The following WWOX variants were observed in gnomAD, a reference collection of about 807,000 sequenced individuals.
WWOX encodes WW domain-containing oxidoreductase.
Under a neutral mutation model 46.2 loss-of-function variants are expected in WWOX, and 69 were observed. The ratio of observed to expected loss-of-function variants is 1.49; its 90% CI spans 1.23 to 1.82. WWOX has a LOEUF of 1.82. WWOX is among the 40% of genes most tolerant of loss of function. The pLI is 0.00. For synonymous variants in WWOX, 359 were observed against 202.6 expected (o/e 1.77, Z -6.56); for missense variants, 919 against 542.6 (o/e 1.69, Z -6.89).
At chr16:78,550,196 G>C (rs573771998) in intron 8 of WWOX, among the ~76,000 whole-genome samples, 7 of 152,238 alleles carry the variant, frequency 4.6e-5, no homozygotes, top group African/African-American at 1.4e-4. Flanking sequence ...GTTCTCACTG[G>C]ATCATTCCAT....
rs111604766 is a variant in WWOX, at chr16:78,332,458, C to T, written c.517-54402C>T. Among the ~76,000 whole-genome samples the T allele has an allele frequency of 7.6e-4, 115 of 152,282 alleles. 1 individual carries two copies. The highest frequency in any genetic ancestry group is 2.7e-3 in the African/African-American group (111 of 41,538). On this transcript the variant is annotated intron_variant, in intron 5 of 8. Coordinates refer to ENST00000566780, the MANE Select transcript of WWOX (RefSeq NM_016373.4). ...TTTGTATGGGCTGCATGAATTCCTG[C>T]ACTAACAAGGTAAAAGAAGGATGTT...
intron 5 of WWOX, among the ~76,000 whole-genome samples, chr16:78,314,637 G>A (rs927237432): frequency 3.5e-5 from 5 of 141,278 alleles, no homozygotes; most frequent in African/African-American, 1.3e-4. Flanking sequence ...CGATTCTTCT[G>A]CCTCAGCCCC....
At chr16:78,494,515 G>A (rs758559266) in intron 8 of WWOX, among the ~76,000 whole-genome samples, 2 of 152,076 alleles carry the variant, frequency 1.3e-5, no homozygotes, top group Non-Finnish European at 2.9e-5. Context: ...AAATAAAAAC[G>A]GCAACAAATA....
At chr16:78,989,168 C>T (rs938745930) in intron 8 of WWOX, among the ~76,000 whole-genome samples, 4 of 152,022 alleles carry the variant, frequency 2.6e-5, no homozygotes, top group Admixed American at 6.6e-5. Context: ...ATTGTATCTC[C>T]CCAGGGTTAG....
At chr16:78,936,975 A>C (rs965049849) in intron 8 of WWOX, among the ~76,000 whole-genome samples, 3 of 152,184 alleles carry the variant, frequency 2.0e-5, no homozygotes, top group African/African-American at 7.2e-5. Context: ...ATCCATTAGT[A>C]ATCCATTTGG....
intron 8 of WWOX, among the ~76,000 whole-genome samples, chr16:78,882,803 T>C (rs1303385511): frequency 1.3e-5 from 2 of 149,292 alleles, no homozygotes; most frequent in Non-Finnish European, 3.0e-5. Flanking sequence ...ATCTTAAATA[T>C]AAAGTTTTTA....
intron 8 of WWOX, among the ~76,000 whole-genome samples, chr16:79,079,654 C>G (rs1175976847): frequency 1.3e-5 from 2 of 152,220 alleles, no homozygotes; most frequent in East Asian, 1.9e-4. Context: ...CTTCACTCAT[C>G]TTACCTCCTT....
chr16:78,888,904 A>C (rs369953302), intron 8 of WWOX, among the ~76,000 whole-genome samples: 1 of 151,878 alleles, frequency 6.6e-6, no homozygotes, highest in Non-Finnish European at 1.5e-5. Context: ...TCCATTCCTC[A>C]CAGTGGCAAT....
At chr16:78,973,363 A>C (rs993941349) in intron 8 of WWOX, among the ~76,000 whole-genome samples, 6 of 152,082 alleles carry the variant, frequency 3.9e-5, no homozygotes, top group African/African-American at 1.4e-4. Flanking sequence ...AAGGGAGAAA[A>C]ATAGAACTGT....
At chr16:78,297,254 T>C (rs956277959) in intron 5 of WWOX, among the ~76,000 whole-genome samples, 3 of 152,068 alleles carry the variant, frequency 2.0e-5, no homozygotes, top group African/African-American at 7.2e-5. Context: ...CTGAGAATGG[T>C]TTCTGCACAG....
chr16:78,919,267 C>A (rs1040630010), intron 8 of WWOX, among the ~76,000 whole-genome samples: 7 of 151,940 alleles, frequency 4.6e-5, no homozygotes, highest in African/African-American at 1.7e-4. Flanking sequence ...CACTCTTAGC[C>A]CACTTTTATA....
chr16:78,168,871 A>T (rs942537708), intron 5 of WWOX, among the ~76,000 whole-genome samples: 3 of 152,222 alleles, frequency 2.0e-5, no homozygotes, highest in Admixed American at 2.0e-4. Context: ...TATGACTACT[A>T]ATTATTTCAT....
At chr16:78,470,046 A>G (rs554540040) in intron 8 of WWOX, among the ~76,000 whole-genome samples, 1 of 152,244 alleles carries the variant, frequency 6.6e-6, no homozygotes, top group Admixed American at 6.5e-5. Context: ...TTTCTTGTTT[A>G]TGTAAGATCC....
chr16:78,319,302 T>A (rs1206260690), intron 5 of WWOX, among the ~76,000 whole-genome samples: 2 of 152,132 alleles, frequency 1.3e-5, no homozygotes, highest in Non-Finnish European at 2.9e-5. Flanking sequence ...CTTATTTATT[T>A]TTGAGACAGG....
chr16:78,731,525 T>C (rs187200091), intron 8 of WWOX, among the ~76,000 whole-genome samples: 4 of 152,286 alleles, frequency 2.6e-5, no homozygotes, highest in African/African-American at 9.6e-5. Flanking sequence ...TCCTTTTTCC[T>C]TTCATTCCTT....
intron 8 of WWOX, among the ~76,000 whole-genome samples, chr16:78,458,315 C>T (rs1386673675): frequency 1.4e-5 from 2 of 144,204 alleles, no homozygotes; most frequent in African/African-American, 2.6e-5. Context: ...GGCTAGAGTA[C>T]AGTGGCGTGA....
At chr16:78,964,371 T>G (rs902154468) in intron 8 of WWOX, among the ~76,000 whole-genome samples, 1 of 152,156 alleles carries the variant, frequency 6.6e-6, no homozygotes, top group African/African-American at 2.4e-5. Context: ...TCGTTGGGAA[T>G]TGGAGCACAG....
Position 78,903,675 on chromosome 16 carries a change from C to G in WWOX, c.1057-307933C>G, listed in dbSNP as rs1374639113. Among the ~76,000 whole-genome samples the G allele has an allele frequency of 2.0e-5, 3 of 152,178 alleles. 1 individual carries two copies. Among genetic ancestry groups the G allele is most frequent in the Admixed American group, 2.0e-4 (3 of 15,278 alleles). The stretch of plus-strand genomic sequence containing the variant: ...CCTGCCTGCAGATTCTATTCCCCAG[C>G]CTCACTTTGAGAAGCACCTGGACAC... On this transcript the variant is annotated intron_variant, in intron 8 of 8. Coordinates refer to ENST00000566780, the MANE Select transcript of WWOX (RefSeq NM_016373.4).
At chr16:78,721,405 T>C (rs2142353293) in intron 8 of WWOX, among the ~76,000 whole-genome samples, 1 of 152,048 alleles carries the variant, frequency 6.6e-6, no homozygotes, top group Admixed American at 6.5e-5. Flanking sequence ...ACAATTATTC[T>C]TATTGTATGA....
Sources: gnomAD v4.1 joint callset for allele counts (sites outside exome capture counted in the v4.1 genomes callset) on GRCh38, gnomAD v4.1.1 for gene constraint, MANE v1.5 for transcripts, NCBI Gene and HGNC (gene_info 2026-07-23, HGNC 2026-07-21) for gene names.